METTL25: variants seen among roughly 807,000 people sequenced by gnomAD.
METTL25 encodes the protein probable methyltransferase-like protein 25.
Under a neutral mutation model 71.6 loss-of-function variants are expected in METTL25, and 64 were observed. The ratio of observed to expected loss-of-function variants is 0.89; its 90% CI spans 0.73 to 1.10. The LOEUF is 1.10. Among genes scored for constraint, METTL25 ranks in the 50% least tolerant of loss-of-function variants. METTL25 has a pLI of 0.00. For missense variants in METTL25, 807 were observed against 707.0 expected, an observed-to-expected ratio of 1.14 and a Z score of -1.60; for synonymous variants, 287 against 250.3, an observed-to-expected ratio of 1.15 and a Z score of -1.38.
At position 82,399,403 on chromosome 12, in the gene METTL25, A is replaced by G. The variant is rs1886388340; in HGVS notation, c.1131+9A>G. 1 of 1,543,054 alleles carries G rather than the reference A, an allele frequency of 6.5e-7. No homozygotes were observed. The highest frequency in any genetic ancestry group is 1.3e-5 in the South Asian group (1 of 79,652). Reference sequence around the variant, plus strand: ...TTATTAAAGATTTGGAGGTGACTTTACCTTTGAATTATTTAATTTGATTTA... The same window carrying G: ...TTATTAAAGATTTGGAGGTGACTTTGCCTTTGAATTATTTAATTTGATTTA... On this transcript the variant is annotated intron_variant, in intron 4 of 11. Transcript: ENST00000248306.
chr12:82,464,709 G>A (rs1384225410), intron 9 of METTL25, among the ~76,000 whole-genome samples: 1 of 151,752 alleles, frequency 6.6e-6, no homozygotes, highest in Non-Finnish European at 1.5e-5. Context: ...GGGTAGTATG[G>A]TCATTTTAAT....
chr12:82,450,539 A>T (rs1228352177), intron 8 of METTL25, among the ~76,000 whole-genome samples: 1 of 152,106 alleles, frequency 6.6e-6, no homozygotes, highest in Non-Finnish European at 1.5e-5. Flanking sequence ...TTCTTTACAC[A>T]ATAGCTAGAG....
chr12:82,474,194 A>AGT (rs1263100740), intron 9 of METTL25, among the ~76,000 whole-genome samples: 2 of 152,098 alleles, frequency 1.3e-5, no homozygotes, highest in African/African-American at 2.4e-5. Flanking sequence ...GGGGGCTGGT[A>AGT]GTGTTCTTCT....
chr12:82,405,595 AATAG>A (rs1229104694), intron 5 of METTL25, among the ~76,000 whole-genome samples: 3 of 152,304 alleles, frequency 2.0e-5, no homozygotes, highest in Non-Finnish European at 4.4e-5. Flanking sequence ...TACGTTTTCT[AATAG>A]ATTATTGCTT....
At chr12:82,378,864 G>GA (rs1884152805) in intron 1 of METTL25, among the ~76,000 whole-genome samples, 1 of 151,934 alleles carries the variant, frequency 6.6e-6, no homozygotes, top group East Asian at 1.9e-4. Flanking sequence ...CCTGTCTCTA[G>GA]AAAAAATAAA....
At chr12:82,398,536 A>G (rs1269022914) in intron 3 of METTL25, among the ~76,000 whole-genome samples, 1 of 152,128 alleles carries the variant, frequency 6.6e-6, no homozygotes, top group Non-Finnish European at 1.5e-5. Context: ...TATGTCATCT[A>G]TGTACAAAAA....
intron 1 of METTL25, among the ~76,000 whole-genome samples, chr12:82,379,700 A>G (rs1181192032): frequency 6.6e-6 from 1 of 152,218 alleles, no homozygotes; most frequent in Non-Finnish European, 1.5e-5. Context: ...TGCACTTGAA[A>G]GTTGATCCTG....
intron 8 of METTL25, among the ~76,000 whole-genome samples, chr12:82,455,791 C>A (rs894152201): frequency 6.6e-6 from 1 of 151,788 alleles, no homozygotes; most frequent in East Asian, 1.9e-4. Flanking sequence ...AAATTTATCC[C>A]AATAAATGGG....
At chr12:82,470,856 G>T (rs1892531086) in intron 9 of METTL25, among the ~76,000 whole-genome samples, 1 of 152,136 alleles carries the variant, frequency 6.6e-6, no homozygotes, top group African/African-American at 2.4e-5. Flanking sequence ...GTATAGATTT[G>T]CGAGGGCTAG....
chr12:82,465,373 T>C (rs1297731377), intron 9 of METTL25, among the ~76,000 whole-genome samples: 2 of 152,082 alleles, frequency 1.3e-5, no homozygotes, highest in African/African-American at 2.4e-5. Context: ...TTATAGTTTT[T>C]GTCCTTCATT....
In METTL25 at chr12:82,403,402, A is replaced by G. The variant is rs182696385; in HGVS notation, c.1279+272A>G. 1.6e-3 allele frequency among the ~76,000 whole-genome samples: 250 copies of G among 152,292 alleles called. 1 individual carries two copies. Among genetic ancestry groups the G allele is most frequent in the African/African-American group, 5.4e-3 (223 of 41,564 alleles). On this transcript the variant is annotated intron_variant, in intron 5 of 11. Transcript: ENST00000248306. ...TATTTGAAAATTTTATGTGATACAT[A>G]TTTTAGAGAACTTCTGTTTTAAAAT...
chr12:82,406,543 A>G lies in METTL25; in HGVS notation c.1279+3413A>G, dbSNP rs547937176. Reference sequence around the variant, plus strand: ...TTTTGCAAGGTGTTTAATATATTGTATTTTATTTATTCAGTACTAAATAGT... The same window carrying G: ...TTTTGCAAGGTGTTTAATATATTGTGTTTTATTTATTCAGTACTAAATAGT... On this transcript the variant is annotated intron_variant, in intron 5 of 11. Transcript: ENST00000248306. 1.1e-4 allele frequency among the ~76,000 whole-genome samples: 17 copies of G among 152,192 alleles called. No individual in the cohort carries two copies. In the South Asian group the frequency reaches 3.5e-3, roughly 32 times the overall value.
chr12:82,422,050 G>T (rs1288838587), intron 5 of METTL25, among the ~76,000 whole-genome samples: 2 of 152,138 alleles, frequency 1.3e-5, no homozygotes, highest in African/African-American at 4.8e-5. Flanking sequence ...CATTTTATGA[G>T]GCCAGCATCA....
rs1889429282 is a variant in METTL25, at chr12:82,430,884, CA to C, written c.1280-8del. The C allele has an allele frequency of 6.9e-7, 1 of 1,446,672 alleles. No homozygotes were observed. The allele number at this position is 1,446,672 out of a possible 1,614,324, so 89.6% of individuals were successfully genotyped here. A position where few individuals can be genotyped will look rare whatever the true frequency, so the allele number is the denominator to read the frequency against. On this transcript the variant is annotated splice_polypyrimidine_tract_variant and splice_region_variant and intron_variant, in intron 5 of 11. Transcript: ENST00000248306. ...ATTTAAATAATCCGTATTTTTCCCC[CA>C]TCTGCAGAACGTACTCAGGAAAAGT... is the stretch of plus-strand genomic sequence containing the variant.
At chr12:82,465,991 G>GTTTTTTTTTTT in intron 9 of METTL25, among the ~76,000 whole-genome samples, 1 of 141,182 alleles carries the variant, frequency 7.1e-6, no homozygotes, top group Non-Finnish European at 1.5e-5. Flanking sequence ...CTTCTTGCCT[G>GTTTTTTTTTTT]TTTTTTTTTT....
intron 1 of METTL25, among the ~76,000 whole-genome samples, chr12:82,379,848 G>C (rs1361397213): frequency 6.6e-6 from 1 of 152,118 alleles, no homozygotes; most frequent in African/African-American, 2.4e-5. Context: ...TCCATCCTTA[G>C]TCATGCCTTC....
In METTL25 at chr12:82,430,978, A is replaced by C. The variant is rs1382210560; in HGVS notation, c.1365A>C (p.Ser455=). The change falls in exon 6 of 12, where the codon TCA becomes TCC. Residue 455 remains serine, a synonymous_variant. Transcript: ENST00000248306. ...RWCCGRNARM[S]ACLALERVAA... is the part of the protein sequence containing the mutation. ...GCTGTGGTCGTAATGCCAGAATGTC[A>C]GCATGTTTGGTATGGTTATATTTTT... 6.3e-7 allele frequency: 1 copy of C among 1,589,022 alleles called. No individual in the cohort carries two copies. Among genetic ancestry groups the C allele is most frequent in the Non-Finnish European group, 8.6e-7 (1 of 1,163,046 alleles).
chr12:82,441,565 A>G (rs150915125), intron 8 of METTL25, among the ~76,000 whole-genome samples: 1,917 of 152,032 alleles, frequency 0.013, 17 homozygotes, highest in Middle Eastern at 0.02. Context: ...GGTAAAGAGA[A>G]TAGAGCAGAC....
intron 5 of METTL25, among the ~76,000 whole-genome samples, chr12:82,414,550 T>G (rs1428989696): frequency 6.6e-6 from 1 of 152,160 alleles, no homozygotes; most frequent in Non-Finnish European, 1.5e-5. Context: ...AAGTTCTCCC[T>G]GTGTTCATGG....
Sources: allele counts gnomAD v4.1 joint callset (sites outside exome capture counted in the v4.1 genomes callset), GRCh38; gene constraint gnomAD v4.1.1; transcripts MANE v1.5; gene names NCBI Gene and HGNC (gene_info 2026-07-23, HGNC 2026-07-21).